DRC11: variants seen among roughly 807,000 people sequenced by gnomAD.
DRC11 encodes the protein IQ and AAA domain-containing protein 1.
chr2:236,364,500 C>T, the DRC11 span, among the ~76,000 whole-genome samples: 1 of 152,148 alleles, frequency 6.6e-6, no homozygotes, highest in East Asian at 1.9e-4. Context: ...GAACTTCTTT[C>T]TCCTGCCCTG....
chr2:236,434,226 CT>C, the DRC11 span, among the ~76,000 whole-genome samples: 1 of 151,992 alleles, frequency 6.6e-6, no homozygotes, highest in Non-Finnish European at 1.5e-5. The surrounding 1 kb of genome is among the most constrained non-coding windows in gnomAD (Gnocchi z 5.5). Flanking sequence ...TGTGTTCAAT[CT>C]TTTTTGGGGG....
At chr2:236,411,161 A>T in the DRC11 span, among the ~76,000 whole-genome samples, 6 of 151,554 alleles carry the variant, frequency 4.0e-5, no homozygotes, top group Admixed American at 3.9e-4. Flanking sequence ...ACAAAGGGCT[A>T]ATATCCAGAA....
At chr2:236,449,143 AG>A in the DRC11 span, among the ~76,000 whole-genome samples, 1 of 151,354 alleles carries the variant, frequency 6.6e-6, no homozygotes, top group African/African-American at 2.5e-5. This position sits in a 1 kb window ranked among gnomAD's most constrained non-coding sequence, Gnocchi z 5.1. Context: ...TACAGGCATG[AG>A]CCACTACACC....
the DRC11 span, among the ~76,000 whole-genome samples, chr2:236,500,989 C>T: frequency 1.3e-5 from 2 of 152,302 alleles, no homozygotes; most frequent in African/African-American, 4.8e-5. The surrounding 1 kb of genome is among the most constrained non-coding windows in gnomAD (Gnocchi z 6.3). Flanking sequence ...TGAGCCACCA[C>T]GCCCAGCAAG....
the DRC11 span, chr2:236,392,256 C>G: frequency 6.3e-7 from 1 of 1,588,340 alleles, no homozygotes; most frequent in Non-Finnish European, 8.6e-7. The surrounding 1 kb of genome is among the most constrained non-coding windows in gnomAD (Gnocchi z 5.1). Context: ...GTATCCTGAT[C>G]TCTGACTGTA....
the DRC11 span, among the ~76,000 whole-genome samples, chr2:236,358,730 A>G: frequency 6.7e-6 from 1 of 149,458 alleles, no homozygotes; most frequent in East Asian, 1.9e-4. Flanking sequence ...TAACGTGCCC[A>G]TTTTACAGAT....
chr2:236,375,044 C>A, the DRC11 span, among the ~76,000 whole-genome samples: 7 of 151,854 alleles, frequency 4.6e-5, no homozygotes, highest in African/African-American at 1.7e-4. This position sits in a 1 kb window ranked among gnomAD's most constrained non-coding sequence, Gnocchi z 4.2. Flanking sequence ...GAACTCACTA[C>A]CATGAGGAAA....
At chr2:236,491,271 T>TATAC in the DRC11 span, among the ~76,000 whole-genome samples, 4 of 67,450 alleles carry the variant, frequency 5.9e-5, no homozygotes, top group South Asian at 3.3e-4. Flanking sequence ...TATATATATA[T>TATAC]ACACACAGTA....
the DRC11 span, among the ~76,000 whole-genome samples, chr2:236,315,828 A>T: frequency 6.6e-6 from 1 of 152,068 alleles, no homozygotes; most frequent in Admixed American, 6.6e-5. This position sits in a 1 kb window ranked among gnomAD's most constrained non-coding sequence, Gnocchi z 5.1. Context: ...GGGGAACAAC[A>T]CACACTGGGG....
chr2:236,320,245 T>G, the DRC11 span, among the ~76,000 whole-genome samples: 1 of 152,202 alleles, frequency 6.6e-6, no homozygotes, highest in Non-Finnish European at 1.5e-5. Flanking sequence ...CCAGCTTGGT[T>G]TACAGCCCAC....
the DRC11 span, chr2:236,465,388 A>C: frequency 3.5e-6 from 3 of 866,548 alleles, no homozygotes; most frequent in African/African-American, 5.1e-5. The surrounding 1 kb of genome is among the most constrained non-coding windows in gnomAD (Gnocchi z 6.2). Context: ...CACGTTTCTA[A>C]AACGAAGCCG....
the DRC11 span, among the ~76,000 whole-genome samples, chr2:236,413,686 A>C: frequency 6.6e-6 from 1 of 152,194 alleles, no homozygotes; most frequent in African/African-American, 2.4e-5. The surrounding 1 kb of genome is among the most constrained non-coding windows in gnomAD (Gnocchi z 4.0). Flanking sequence ...GGGTCTTTCC[A>C]GAAGAAGTTA....
the DRC11 span, chr2:236,497,331 T>C: frequency 4.8e-5 from 78 of 1,613,860 alleles, 1 homozygote; most frequent in South Asian, 6.4e-4. The surrounding 1 kb of genome is among the most constrained non-coding windows in gnomAD (Gnocchi z 5.1). Flanking sequence ...AGACATTCTC[T>C]AGGTTTCTAA....
At chr2:236,389,592 C>T in the DRC11 span, among the ~76,000 whole-genome samples, 1 of 152,326 alleles carries the variant, frequency 6.6e-6, no homozygotes, top group Middle Eastern at 3.4e-3. Flanking sequence ...AACCCGGTAC[C>T]TCAGATGGAA....
the DRC11 span, chr2:236,338,383 C>T: frequency 6.3e-7 from 1 of 1,580,420 alleles, no homozygotes; most frequent in African/African-American, 1.5e-5. Context: ...TAGGTTCATT[C>T]TGGGAGAGAG....
the DRC11 span, among the ~76,000 whole-genome samples, chr2:236,448,639 TTTATTA>T: frequency 6.6e-6 from 1 of 151,334 alleles, no homozygotes; most frequent in Admixed American, 6.6e-5. This position sits in a 1 kb window ranked among gnomAD's most constrained non-coding sequence, Gnocchi z 5.3. Flanking sequence ...CCTGGCTGTA[TTTATTA>T]TTATTATTTT....
chr2:236,456,162 G>A, the DRC11 span, among the ~76,000 whole-genome samples: 4 of 152,154 alleles, frequency 2.6e-5, no homozygotes, highest in Non-Finnish European at 4.4e-5. This position sits in a 1 kb window ranked among gnomAD's most constrained non-coding sequence, Gnocchi z 5.4. Flanking sequence ...ACTTCCTATA[G>A]GTTTAACATG....
the DRC11 span, among the ~76,000 whole-genome samples, chr2:236,459,552 CATGT>C: frequency 1.7e-3 from 194 of 113,826 alleles, 1 homozygote; most frequent in African/African-American, 6.1e-3. Context: ...TATACGTATA[CATGT>C]ATACGTATAT....
chr2:236,495,836 C>A, the DRC11 span, among the ~76,000 whole-genome samples: 1 of 152,172 alleles, frequency 6.6e-6, no homozygotes, highest in African/African-American at 2.4e-5. This position sits in a 1 kb window ranked among gnomAD's most constrained non-coding sequence, Gnocchi z 5.6. Flanking sequence ...TTCCTGGATG[C>A]CATCTGCTCA....
Sources: allele counts gnomAD v4.1 joint callset (sites outside exome capture counted in the v4.1 genomes callset), GRCh38; gene constraint gnomAD v4.1.1; non-coding constraint Gnocchi (gnomAD v3.1); transcripts MANE v1.5; gene names NCBI Gene and HGNC (gene_info 2026-07-23, HGNC 2026-07-21).